STK24: variants seen among roughly 807,000 people sequenced by gnomAD.
The protein encoded by STK24 is serine/threonine-protein kinase 24.
A neutral mutation model predicts 55.6 loss-of-function variants in STK24; 21 were observed. The ratio of observed to expected loss-of-function variants is 0.38; its 90% confidence interval spans 0.27 to 0.54. The LOEUF (loss-of-function observed/expected upper bound fraction) is 0.54, where lower values mean the gene tolerates loss of function less well. Ranked by LOEUF, STK24 falls within the 20% of genes least tolerant of loss-of-function variation. The probability of loss-of-function intolerance (pLI) is 0.79; values close to 1 mark genes in which losing one functional copy is unlikely to be tolerated. For synonymous variants in STK24, 200 were observed against 215.2 expected (o/e 0.93, Z 0.62); for missense variants, 383 against 538.4 (o/e 0.71, Z 2.86).
intron 1 of STK24, chr13:98,543,020 G>A (rs922217175): frequency 7.5e-5 from 74 of 985,174 alleles, no homozygotes; most frequent in Middle Eastern, 5.2e-4. Context: ...GACCTGGAAG[G>A]CCCAAAGACT....
chr13:98,478,104 C>G (rs1027946224), intron 3 of STK24, among the ~76,000 whole-genome samples: 1 of 152,240 alleles, frequency 6.6e-6, no homozygotes, highest in Non-Finnish European at 1.5e-5. Flanking sequence ...GTCTACCCCC[C>G]AGAGTGCCTC....
chr13:98,536,204 A>C (rs1238200132), intron 1 of STK24, among the ~76,000 whole-genome samples: 1 of 152,136 alleles, frequency 6.6e-6, no homozygotes. Context: ...CAAGGGCAAG[A>C]GGGAACGTGA....
At chr13:98,541,304 T>C (rs1227016735) in intron 1 of STK24, among the ~76,000 whole-genome samples, 2 of 152,198 alleles carry the variant, frequency 1.3e-5, no homozygotes, top group Admixed American at 6.5e-5. Flanking sequence ...CATCTCATTA[T>C]TGGGCCCGAG....
chr13:98,504,270 T>C (rs990758525), intron 2 of STK24, among the ~76,000 whole-genome samples: 9 of 151,926 alleles, frequency 5.9e-5, no homozygotes, highest in African/African-American at 2.2e-4. Flanking sequence ...CCTTTAATAA[T>C]AAGAGAACAG....
chr13:98,534,466 C>T (rs1896659645), intron 1 of STK24, among the ~76,000 whole-genome samples: 1 of 152,144 alleles, frequency 6.6e-6, no homozygotes, highest in Non-Finnish European at 1.5e-5. Context: ...CAAAACAAAC[C>T]CCCTTCTTGC....
At chr13:98,453,952 C>T (rs1893325926) in intron 10 of STK24, 1 of 152,146 alleles carries the variant, frequency 6.6e-6, no homozygotes, top group East Asian at 1.9e-4. Flanking sequence ...CAGTGTGCAG[C>T]CCCAAATCCG....
intron 1 of STK24, among the ~76,000 whole-genome samples, chr13:98,555,037 A>T (rs1301363056): frequency 6.6e-6 from 1 of 151,772 alleles, no homozygotes; most frequent in Admixed American, 6.6e-5. Context: ...AAAAAAAAGA[A>T]AGAAAAAATA....
chr13:98,453,852 G>A (rs1287575463), intron 10 of STK24: 1 of 152,142 alleles, frequency 6.6e-6, no homozygotes, highest in African/African-American at 2.4e-5. Context: ...ATATGTACAA[G>A]TTTAAAAGTA....
rs1893009534 is a variant in STK24, at chr13:98,448,557, A to G, written c.*4616T>C. 1 of 519,844 alleles carries G rather than the reference A, an allele frequency of 1.9e-6. No individual in the cohort carries two copies. The highest frequency in any genetic ancestry group is 3.4e-6 in the Non-Finnish European group (1 of 291,552). 32.2% of individuals were successfully genotyped at this position (519,844 alleles called of 1,614,324 possible). A position where few individuals can be genotyped will look rare whatever the true frequency, so the allele number is the denominator to read the frequency against. ...GCGCTGTTCTTTAGCTAGTGCCAGT[A>G]TTAAAACATTGTCATTACGAGAGTG... is the stretch of plus-strand genomic sequence containing the variant. On this transcript the variant is annotated 3_prime_UTR_variant, in exon 11 of 11. Coordinates refer to ENST00000539966, the MANE Select transcript of STK24 (RefSeq NM_001032296.4).
At chr13:98,534,448 C>T (rs1354454979) in intron 1 of STK24, among the ~76,000 whole-genome samples, 4 of 152,186 alleles carry the variant, frequency 2.6e-5, no homozygotes, top group Admixed American at 2.6e-4. Flanking sequence ...ATGGTAATAG[C>T]CCTTTCCCAA....
intron 2 of STK24, among the ~76,000 whole-genome samples, chr13:98,498,136 T>C (rs1338976691): frequency 2.0e-5 from 3 of 152,220 alleles, no homozygotes; most frequent in East Asian, 1.9e-4. Flanking sequence ...TGATGGTCTA[T>C]TGTTTGAACT....
chr13:98,461,851 T>A lies in STK24; in HGVS notation c.976A>T (p.Ile326Phe). 1.2e-6 allele frequency: 2 copies of A among 1,614,130 alleles called. No individual in the cohort carries two copies. The highest frequency in any genetic ancestry group is 1.7e-6 in the Non-Finnish European group (2 of 1,179,974). The part of the protein sequence containing the change: ...ASGGSDSGDW[I>F]FTIREKDPKN... ...GGATCTTTTTCTCGGATTGTGAAGA[T>A]CCAGTCCCCAGAATCACTGCCCCCC... Residue 326 changes from isoleucine (I) to phenylalanine (F), a missense_variant, in exon 8 of 11, where the codon ATC becomes TTC. Ile to Phe is a conservative substitution (Grantham distance 21, BLOSUM62 0). Transcript: ENST00000539966.
At chr13:98,547,077 A>G (rs1323692547) in intron 1 of STK24, among the ~76,000 whole-genome samples, 1 of 151,934 alleles carries the variant, frequency 6.6e-6, no homozygotes, top group African/African-American at 2.4e-5. Context: ...ACACTCAGCT[A>G]ATTTTTTTGT....
chr13:98,469,141 G>A (rs1459580176), intron 5 of STK24, among the ~76,000 whole-genome samples: 1 of 152,216 alleles, frequency 6.6e-6, no homozygotes, highest in African/African-American at 2.4e-5. Context: ...GCTTCTGCAC[G>A]CAGTGTGCAC....
intron 2 of STK24, among the ~76,000 whole-genome samples, chr13:98,500,406 C>T (rs1895408740): frequency 6.6e-6 from 1 of 152,122 alleles, no homozygotes; most frequent in Admixed American, 6.5e-5. Flanking sequence ...TGAAATTTAC[C>T]ATTCAGAGAG....
At chr13:98,535,529 A>G (rs1469820301) in intron 1 of STK24, among the ~76,000 whole-genome samples, 1 of 152,074 alleles carries the variant, frequency 6.6e-6, no homozygotes, top group African/African-American at 2.4e-5. Context: ...GCCATGGAAA[A>G]CATACCCAGT....
intron 1 of STK24, among the ~76,000 whole-genome samples, chr13:98,548,954 T>C (rs1029653802): frequency 6.6e-6 from 1 of 151,676 alleles, no homozygotes; most frequent in Non-Finnish European, 1.5e-5. Context: ...GTATGCCCTT[T>C]AGTAATAACA....
At chr13:98,522,189 C>T in intron 1 of STK24, 2 of 726,736 alleles carry the variant, frequency 2.8e-6, no homozygotes, top group African/African-American at 1.9e-5. Flanking sequence ...GCATCCACAG[C>T]CCCACTCCCG....
rs373074907 is a variant in STK24, at chr13:98,501,475, C to G, written c.273+17768G>C. On this transcript the variant is annotated intron_variant, in intron 2 of 10. Coordinates refer to ENST00000539966, the MANE Select transcript of STK24 (RefSeq NM_001032296.4). Reference sequence around the variant, plus strand: ...TCAAAGTTTTAGAACATGAATTTTTCAAGTGAAAATTCTTATTTCCCCAGC... The same window carrying G: ...TCAAAGTTTTAGAACATGAATTTTTGAAGTGAAAATTCTTATTTCCCCAGC... 2.3e-4 allele frequency among the ~76,000 whole-genome samples: 35 copies of G among 152,318 alleles called. 2 individuals carry two copies. The highest frequency in any genetic ancestry group is 7.7e-4 in the African/African-American group (32 of 41,578).
Sources: gnomAD v4.1 joint callset for allele counts (sites outside exome capture counted in the v4.1 genomes callset) on GRCh38, gnomAD v4.1.1 for gene constraint, MANE v1.5 for transcripts, NCBI Gene and HGNC (gene_info 2026-07-23, HGNC 2026-07-21) for gene names.